EVL: variants seen among roughly 807,000 people sequenced by gnomAD.
EVL encodes the protein ena/VASP-like protein.
Under a neutral mutation model 59.6 loss-of-function variants are expected in EVL, and 21 were observed. That is an observed-to-expected ratio of 0.35 (90% CI 0.25 to 0.51). The LOEUF is 0.51. EVL is among the 20% of genes least tolerant of loss of function. The pLI, the probability that EVL is intolerant of heterozygous loss-of-function variation, is 0.97. For synonymous variants in EVL, 198 were observed against 203.5 expected, an observed-to-expected ratio of 0.97 and a Z score of 0.23; for missense variants, 462 against 546.6, an observed-to-expected ratio of 0.85 and a Z score of 1.54.
chr14:100,010,420 T>G (rs1412802085), intron 1 of EVL, among the ~76,000 whole-genome samples: 2 of 152,168 alleles, frequency 1.3e-5, no homozygotes, highest in African/African-American at 4.8e-5. Flanking sequence ...TTGTTTGTTT[T>G]TTGAGACAGA....
At chr14:100,129,766 C>T (rs1566723504) in intron 7 of EVL, 82 bp downstream of exon 7, 1 of 1,432,120 alleles carries the variant, frequency 7.0e-7, no homozygotes, top group Non-Finnish European at 9.2e-7. Context: ...AGAGAATCCT[C>T]TCTTGACCCC....
At chr14:100,018,669 C>T (rs1281088217) in intron 1 of EVL, among the ~76,000 whole-genome samples, 1 of 152,174 alleles carries the variant, frequency 6.6e-6, no homozygotes, top group Non-Finnish European at 1.5e-5. Flanking sequence ...AGGTCGATTA[C>T]AGTTAGTGAC....
chr14:100,121,389 G>A (rs1887688655), intron 3 of EVL, among the ~76,000 whole-genome samples: 1 of 152,190 alleles, frequency 6.6e-6, no homozygotes, highest in Non-Finnish European at 1.5e-5. Context: ...GGTGACATTG[G>A]ACAGACCCCT....
At chr14:100,089,619 C>T (rs1281350024) in intron 2 of EVL, among the ~76,000 whole-genome samples, 1 of 152,226 alleles carries the variant, frequency 6.6e-6, no homozygotes, top group Non-Finnish European at 1.5e-5. Flanking sequence ...TTGTGGGACG[C>T]AGCTAGAACA....
At chr14:100,097,845 A>G in intron 3 of EVL, 187 bp downstream of exon 3, 1 of 526,976 alleles carries the variant, frequency 1.9e-6, no homozygotes, top group Non-Finnish European at 3.3e-6. Flanking sequence ...GGAGGAAAGA[A>G]TGGAGTTTGT....
intron 1 of EVL, among the ~76,000 whole-genome samples, chr14:99,996,478 C>G (rs2060915067): frequency 6.6e-6 from 1 of 152,106 alleles, no homozygotes; most frequent in Admixed American, 6.5e-5. Flanking sequence ...TTCAAAAGTG[C>G]AACTTGGTAA....
chr14:100,142,115 GGAGCCACCTGAGCTGCTGTCA>G (rs1889210284), intron 13 of EVL: 1 of 222,074 alleles, frequency 4.5e-6, no homozygotes, highest in African/African-American at 2.2e-5. Flanking sequence ...CAGGTCTGGA[GGAGCCACCTGAGCTGCTGTCA>G]TTCCACCCCC....
intron 1 of EVL, among the ~76,000 whole-genome samples, chr14:100,013,592 C>T (rs1566968961): frequency 6.6e-6 from 1 of 152,180 alleles, no homozygotes; most frequent in Non-Finnish European, 1.5e-5. Flanking sequence ...GACCGAGGGT[C>T]CCCTGGCCAT....
chr14:100,049,311 C>A (rs1464639264), intron 1 of EVL, among the ~76,000 whole-genome samples: 2 of 152,186 alleles, frequency 1.3e-5, no homozygotes, highest in East Asian at 3.8e-4. Context: ...CATAGGCTTG[C>A]CTCAAAGCGT....
At chr14:100,113,965 G>A (rs1449991722) in intron 3 of EVL, among the ~76,000 whole-genome samples, 6 of 152,164 alleles carry the variant, frequency 3.9e-5, no homozygotes. Context: ...TGGCCTGGAA[G>A]ACCAGTGCTT....
At chr14:100,024,457 A>C (rs2061177825) in intron 1 of EVL, among the ~76,000 whole-genome samples, 1 of 152,190 alleles carries the variant, frequency 6.6e-6, no homozygotes, top group Non-Finnish European at 1.5e-5. Flanking sequence ...GATGAACAGG[A>C]GGTAGAGACT....
chr14:100,135,612 G>C (rs1888730929), intron 8 of EVL: 1 of 352,468 alleles, frequency 2.8e-6, no homozygotes, highest in Non-Finnish European at 5.3e-6. Context: ...CCGGCCCAAG[G>C]GGGGCTCAGG....
intron 1 of EVL, among the ~76,000 whole-genome samples, chr14:100,054,666 C>T (rs570796442): frequency 1.3e-5 from 2 of 152,154 alleles, no homozygotes; most frequent in Non-Finnish European, 2.9e-5. Context: ...GCCTTGCCTT[C>T]TCTGTGGAAG....
At chr14:100,064,227 A>G (rs112169179), upstream of EVL, among the ~76,000 whole-genome samples, 1 of 10,592 alleles carries the variant, frequency 9.4e-5, no homozygotes, top group African/African-American at 1.6e-4. Flanking sequence ...TATCAATAAT[A>G]TTTTAATGGA....
At chr14:100,063,936 T>C (rs941454984), upstream of EVL, among the ~76,000 whole-genome samples, 2 of 152,160 alleles carry the variant, frequency 1.3e-5, no homozygotes, top group Non-Finnish European at 2.9e-5. Flanking sequence ...GCAACAGATA[T>C]AGGAAAACAC....
intron 3 of EVL, chr14:100,102,371 C>T (rs1237069828): frequency 2.2e-5 from 10 of 455,930 alleles, no homozygotes; most frequent in Non-Finnish European, 3.1e-5. Context: ...GGCAGCCTAA[C>T]GTCATGTGGT....
At position 100,126,698 on chromosome 14, in the gene EVL, A is replaced by G; in HGVS notation, c.423-9A>G. 2 of 1,614,080 alleles carry G rather than the reference A, an allele frequency of 1.2e-6. No individual in the cohort carries two copies. The highest frequency in any genetic ancestry group is 1.7e-6 in the Non-Finnish European group (2 of 1,179,986). ...GGAGTCAGACTGCCCTGCTGTGATT[A>G]CTTTCCAGACAAGTGATGGAGCAGC... is the stretch of plus-strand genomic sequence containing the variant. On this transcript the variant is annotated splice_polypyrimidine_tract_variant and intron_variant, in intron 4 of 13. Coordinates refer to ENST00000392920, the MANE Select transcript of EVL (RefSeq NM_016337.3).
intron 1 of EVL, among the ~76,000 whole-genome samples, chr14:100,030,674 G>T (rs773615493): frequency 6.6e-6 from 1 of 152,220 alleles, no homozygotes; most frequent in Non-Finnish European, 1.5e-5. Flanking sequence ...TGACTAATCA[G>T]CTGAGAGCTT....
chr14:100,098,811 T>G (rs1885995490), intron 3 of EVL, among the ~76,000 whole-genome samples: 1 of 152,238 alleles, frequency 6.6e-6, no homozygotes, highest in African/African-American at 2.4e-5. Context: ...AGCAAGTTAC[T>G]GAATGTTTTT....
Sources: allele counts gnomAD v4.1 joint callset (sites outside exome capture counted in the v4.1 genomes callset), GRCh38; gene constraint gnomAD v4.1.1; transcripts MANE v1.5; gene names NCBI Gene and HGNC (gene_info 2026-07-23, HGNC 2026-07-21).